RAB31: variants seen among roughly 807,000 people sequenced by gnomAD.
RAB31 encodes RAB31, member RAS oncogene family.
Under a neutral mutation model 25.6 loss-of-function variants are expected in RAB31, and 21 were observed. The observed-to-expected ratio is 0.82, with a 90% CI of 0.58 to 1.18. The LOEUF is 1.18. Ranked by LOEUF, RAB31 falls within the 50% of genes most tolerant of loss-of-function variation. RAB31 has a pLI of 0.00. For missense variants in RAB31, 196 were observed against 250.1 expected (o/e 0.78, Z 1.46); for synonymous variants, 87 against 84.0 (o/e 1.04, Z -0.20).
chr18:9,711,499 A>G (rs2068017114), intron 1 of RAB31, among the ~76,000 whole-genome samples: 1 of 152,208 alleles, frequency 6.6e-6, no homozygotes, highest in Non-Finnish European at 1.5e-5. Context: ...CAGCCTGCCA[A>G]GTAGCTGGGA....
intron 2 of RAB31, among the ~76,000 whole-genome samples, chr18:9,778,755 G>A (rs2068386931): frequency 6.6e-6 from 1 of 152,234 alleles, no homozygotes; most frequent in African/African-American, 2.4e-5. Context: ...ATAGGCGTGA[G>A]CCACTGTGCC....
chr18:9,776,650 A>G (rs1388276161), intron 2 of RAB31, among the ~76,000 whole-genome samples: 1 of 152,230 alleles, frequency 6.6e-6, no homozygotes, highest in African/African-American at 2.4e-5. Context: ...CTGGCAGAAG[A>G]CAGAAGACCC....
chr18:9,848,350 G>A (rs554385700), intron 6 of RAB31, among the ~76,000 whole-genome samples: 47 of 151,548 alleles, frequency 3.1e-4, no homozygotes, highest in African/African-American at 9.7e-4. Flanking sequence ...CCATCTGTCC[G>A]TCTATCTATC....
Position 9,775,336 on chromosome 18 carries a change from A to G in RAB31, c.98A>G (p.His33Arg). The G allele has an allele frequency of 6.2e-7, 1 of 1,613,832 alleles. No homozygotes were observed. The highest frequency in any genetic ancestry group is 8.5e-7 in the Non-Finnish European group (1 of 1,179,794). ...CGATTTGTCCAGGATCACTTTGACC[A>G]CAACATCAGCCCTACTATTGGGTAA... ...VCRFVQDHFD[H>R]NISPTIGASF... The change falls in exon 2 of 7, where the codon CAC (histidine) becomes CGC (arginine). Residue 33 changes from histidine (H) to arginine (R), a missense_variant. Transcript: ENST00000578921.
At chr18:9,755,260 C>T (rs563432176) in intron 1 of RAB31, among the ~76,000 whole-genome samples, 64 of 152,130 alleles carry the variant, frequency 4.2e-4, no homozygotes, top group Non-Finnish European at 8.1e-4. Context: ...TCATTAGCTC[C>T]GTTTTGTCTT....
intron 3 of RAB31, among the ~76,000 whole-genome samples, chr18:9,801,651 A>G (rs998769909): frequency 1.3e-5 from 2 of 152,160 alleles, no homozygotes; most frequent in African/African-American, 4.8e-5. Context: ...TGGTAACTCT[A>G]TGACTAGCAT....
intron 1 of RAB31, among the ~76,000 whole-genome samples, chr18:9,716,910 TTTTCTTTCTTTC>T (rs71168100): frequency 3.1e-5 from 4 of 128,782 alleles, no homozygotes; most frequent in Non-Finnish European, 5.1e-5. Flanking sequence ...ACTTGGCTAA[TTTTCTTTCTTTC>T]TTTCTTTCTT....
At chr18:9,730,847 A>G (rs1225062152) in intron 1 of RAB31, among the ~76,000 whole-genome samples, 1 of 152,044 alleles carries the variant, frequency 6.6e-6, no homozygotes, top group Non-Finnish European at 1.5e-5. Context: ...TTCCTCCTAT[A>G]TGGTATGTGA....
chr18:9,823,660 T>C (rs1295290728), intron 5 of RAB31, among the ~76,000 whole-genome samples: 1 of 152,190 alleles, frequency 6.6e-6, no homozygotes, highest in Non-Finnish European at 1.5e-5. Context: ...GGTGAGGGTA[T>C]GTGTGATACA....
chr18:9,734,057 G>A (rs1216297947), intron 1 of RAB31, among the ~76,000 whole-genome samples: 2 of 142,736 alleles, frequency 1.4e-5, no homozygotes, highest in South Asian at 2.3e-4. Flanking sequence ...TCAGGAGCCT[G>A]TGTCCAGTTA....
At position 9,778,889 on chromosome 18, in the gene RAB31, T is replaced by C. The variant is rs138845554; in HGVS notation, c.119+3532T>C. Among the ~76,000 whole-genome samples, 23 of 152,378 alleles carry C rather than the reference T, an allele frequency of 1.5e-4. No homozygotes were observed. In the East Asian group the frequency reaches 4.2e-3, roughly 28 times the overall value. ...TTTGTAAGTGATGTGTATTATATACTGTATTCTTACAATAAAGTAAGCTAG... is the reference window on the plus strand; with the variant it reads ...TTTGTAAGTGATGTGTATTATATACCGTATTCTTACAATAAAGTAAGCTAG... On this transcript the variant is annotated intron_variant, in intron 2 of 6. Coordinates refer to ENST00000578921, the MANE Select transcript of RAB31 (RefSeq NM_006868.4).
At chr18:9,772,290 A>G (rs2145489170) in intron 1 of RAB31, among the ~76,000 whole-genome samples, 1 of 151,668 alleles carries the variant, frequency 6.6e-6, no homozygotes, top group South Asian at 2.1e-4. Flanking sequence ...CCTGCAGCCT[A>G]AGGAGGAAGG....
chr18:9,754,374 G>C (rs2068250437), intron 1 of RAB31, among the ~76,000 whole-genome samples: 1 of 151,998 alleles, frequency 6.6e-6, no homozygotes, highest in African/African-American at 2.4e-5. Context: ...CTGCTTCCTG[G>C]GTTCAAGAGA....
intron 3 of RAB31, among the ~76,000 whole-genome samples, chr18:9,813,426 G>C (rs373139818): frequency 2.0e-5 from 3 of 152,102 alleles, no homozygotes; most frequent in East Asian, 3.8e-4. Context: ...TGAGCAGCAG[G>C]GAAAAGAAAA....
intron 2 of RAB31, among the ~76,000 whole-genome samples, chr18:9,790,969 C>T (rs993985059): frequency 6.6e-6 from 1 of 152,012 alleles, no homozygotes; most frequent in Non-Finnish European, 1.5e-5. Context: ...AAAGAAAATG[C>T]TTTTTAAAAG....
At chr18:9,804,630 T>C (rs2068530750) in intron 3 of RAB31, among the ~76,000 whole-genome samples, 2 of 152,324 alleles carry the variant, frequency 1.3e-5, no homozygotes, top group Middle Eastern at 3.4e-3. Context: ...AAAAGCCCTA[T>C]AAAGCCTATG....
intron 1 of RAB31, among the ~76,000 whole-genome samples, chr18:9,772,327 G>A (rs2068349424): frequency 6.6e-6 from 1 of 152,156 alleles, no homozygotes; most frequent in Admixed American, 6.5e-5. Context: ...AACCAGGCGA[G>A]GTTTGTCACT....
In RAB31 at chr18:9,860,072, G is replaced by A. The variant is rs2068839564; in HGVS notation, c.*747G>A. The A allele has an allele frequency of 6.6e-6, 1 of 152,194 alleles. No individual in the cohort carries two copies. The highest frequency in any genetic ancestry group is 6.5e-5 in the Admixed American group (1 of 15,274). The allele number at this position is 152,194 out of a possible 1,614,324, so 9.4% of individuals were successfully genotyped here. On this transcript the variant is annotated 3_prime_UTR_variant, in exon 7 of 7. Coordinates refer to ENST00000578921, the MANE Select transcript of RAB31 (RefSeq NM_006868.4). ...TAAGTAATCACTATGTAAGTGGTGA[G>A]AGATGCAGGACATACACATTATTCA...
At chr18:9,835,128 TC>T (rs765646187) in intron 5 of RAB31, among the ~76,000 whole-genome samples, 104 of 152,158 alleles carry the variant, frequency 6.8e-4, no homozygotes, top group Non-Finnish European at 9.8e-4. Flanking sequence ...AAGGGGTCGA[TC>T]CTAGGTCCTG....
Sources: gnomAD v4.1 joint callset for allele counts (sites outside exome capture counted in the v4.1 genomes callset) on GRCh38, gnomAD v4.1.1 for gene constraint, MANE v1.5 for transcripts, NCBI Gene and HGNC (gene_info 2026-07-23, HGNC 2026-07-21) for gene names.